MFSD12: variants seen among roughly 807,000 people sequenced by gnomAD.
MFSD12 encodes major facilitator superfamily domain containing 12, also known as major facilitator superfamily domain-containing protein 12.
A neutral mutation model predicts 51.2 loss-of-function variants in MFSD12; 67 were observed. The observed-to-expected ratio is 1.31, with a 90% confidence interval of 1.08 to 1.60. The LOEUF is 1.60. Among genes scored for constraint, MFSD12 ranks in the 40% most tolerant of loss-of-function variants. The pLI is 0.00. For synonymous variants in MFSD12, 441 were observed against 316.7 expected (o/e 1.39, Z -4.17); for missense variants, 921 against 673.0 (o/e 1.37, Z -4.08).
Position 3,547,822 on chromosome 19 carries a change from C to A in MFSD12, c.837+26G>T, listed in dbSNP as rs2145196490. On this transcript the variant is annotated intron_variant, in intron 4 of 9. Transcript: ENST00000355415. ...CTGTGGGTGGGAGAGAAGGCCCACG[C>A]CAGCCCCACCGTCCCCAGCACGCAC... 2.7e-6 allele frequency: 4 copies of A among 1,469,384 alleles called. No individual in the cohort carries two copies. The South Asian group carries it at 5.7e-5, about 21-fold the overall frequency. The allele number at this position is 1,469,384 out of a possible 1,614,324, so 91.0% of individuals were successfully genotyped here. A position where few individuals can be genotyped will look rare whatever the true frequency, so the allele number is the denominator to read the frequency against.
At chr19:3,543,120 G>A, downstream of MFSD12, 6 of 1,518,342 alleles carry the variant, frequency 4.0e-6, no homozygotes, top group Non-Finnish European at 5.3e-6. Context: ...GCGAGGGAGG[G>A]AGACCCCACG....
At chr19:3,550,852 C>CA (rs1568260405) in intron 2 of MFSD12, 132 bp downstream of exon 2, 2 of 761,068 alleles carry the variant, frequency 2.6e-6, no homozygotes, top group East Asian at 5.4e-5. Context: ...GACCCCCTTT[C>CA]AAAAAAATAA....
At chr19:3,553,350 T>A (rs2031569832) in intron 1 of MFSD12, among the ~76,000 whole-genome samples, 1 of 151,690 alleles carries the variant, frequency 6.6e-6, no homozygotes. Flanking sequence ...GATCATGTAA[T>A]CAATCCCAGC....
chr19:3,544,896 C>T lies in MFSD12; in HGVS notation c.1333G>A (p.Ala445Thr), dbSNP rs764558251. The T allele has an allele frequency of 5.0e-6, 8 of 1,611,842 alleles. No homozygotes were observed. The highest frequency in any genetic ancestry group is 1.7e-5 in the Admixed American group (1 of 59,912). ...ACGCCGCCCGTCACAGCCACCATCG[C>T]CCAGTGGTAAAAGCTCACGCAGGCC... Reference protein sequence around the residue: ...CRACVSFYHWAMVAVTGGVGV... With the variant: ...CRACVSFYHWTMVAVTGGVGV... The change falls in exon 9 of 10, where the codon GCG (alanine) becomes ACG (threonine). Residue 445 changes from alanine to threonine, a missense_variant. Ala to Thr is a moderately conservative substitution (Grantham distance 58). Transcript: ENST00000355415.
downstream of MFSD12, chr19:3,543,803 C>A: frequency 6.7e-7 from 1 of 1,503,562 alleles, no homozygotes; most frequent in Non-Finnish European, 8.9e-7. Context: ...GGTGGGGGCA[C>A]ATGGTGACCC....
intron 3 of MFSD12, 39 bp downstream of exon 3, chr19:3,548,084 C>T (rs948660088): frequency 1.2e-6 from 2 of 1,602,484 alleles, no homozygotes; most frequent in Middle Eastern, 1.7e-4. Flanking sequence ...CCGCCCCTGG[C>T]TCGAGGACTT....
At chr19:3,538,632 T>C in exon 5 of MFSD12, 1 of 336,514 alleles carries the variant, frequency 3.0e-6, no homozygotes. Flanking sequence ...TCCTTGTGGC[T>C]GAGTCTCGTT....
rs765235919 is a variant in MFSD12, at chr19:3,547,563, C to CA, written c.838-17dup. 1 of 1,599,728 alleles carries CA rather than the reference C, an allele frequency of 6.3e-7. No homozygotes were observed. The highest frequency in any genetic ancestry group is 8.5e-7 in the Non-Finnish European group (1 of 1,172,780). On this transcript the variant is annotated splice_polypyrimidine_tract_variant and intron_variant, in intron 4 of 9. Transcript: ENST00000355415. ...GTATGCCCACCTGTGGGCAGACCGACAGAGGGACTGGCAGGGGTCAGGAGG... is the reference window on the plus strand; with the variant it reads ...GTATGCCCACCTGTGGGCAGACCGACAAGAGGGACTGGCAGGGGTCAGGAGG...
rs1416748980 is a variant in MFSD12 at position 3,550,908 on chromosome 19, C to G, written c.509+76G>C. 3 of 1,271,014 alleles carry G rather than the reference C, an allele frequency of 2.4e-6. No individual in the cohort carries two copies. The Admixed American group carries it at 6.1e-5, about 26-fold the overall frequency. 78.7% of individuals were successfully genotyped at this position (1,271,014 alleles called of 1,614,324 possible). ...TCGAGCTGCCGAGTCTGTGGCCGCT[C>G]ATTATGCAGTGCCACTGACTGATAC... On this transcript the variant is annotated intron_variant, in intron 2 of 9. Transcript: ENST00000355415.
chr19:3,549,011 G>C (rs941164356), intron 2 of MFSD12, among the ~76,000 whole-genome samples: 3 of 152,192 alleles, frequency 2.0e-5, no homozygotes, highest in South Asian at 2.1e-4. Flanking sequence ...CCCTGGCTTT[G>C]GGCACCAGCT....
intron 1 of MFSD12, among the ~76,000 whole-genome samples, chr19:3,556,473 G>A (rs901688077): frequency 3.3e-5 from 5 of 152,116 alleles, no homozygotes; most frequent in African/African-American, 1.2e-4. Context: ...ATACGGGGCA[G>A]TTAAACAGAC....
At chr19:3,543,921 A>C, downstream of MFSD12, 1 of 1,551,004 alleles carries the variant, frequency 6.4e-7, no homozygotes. Flanking sequence ...GCCCGGCACC[A>C]CCCAGAACTA....
At chr19:3,543,529 GAC>G, downstream of MFSD12, 1 of 1,449,814 alleles carries the variant, frequency 6.9e-7, no homozygotes, top group Non-Finnish European at 9.1e-7. Flanking sequence ...GGACAGGAAT[GAC>G]CGCCAGCCCC....
Position 3,557,089 on chromosome 19 carries a change from G to A in MFSD12, c.298+17C>T. On this transcript the variant is annotated intron_variant, in intron 1 of 9. Transcript: ENST00000355415. ...TCGGAGGGGCTGCCCGACAGGTGGC[G>A]GGGCCGGGACGCTTACCGACCAGGT... 1 of 1,441,242 alleles carries A rather than the reference G, an allele frequency of 6.9e-7. No individual in the cohort carries two copies. Among genetic ancestry groups the A allele is most frequent in the South Asian group, 1.4e-5 (1 of 69,144 alleles). The allele number at this position is 1,441,242 out of a possible 1,614,324, so 89.3% of individuals were successfully genotyped here.
chr19:3,549,477 A>C (rs957359166), intron 2 of MFSD12, among the ~76,000 whole-genome samples: 1 of 152,194 alleles, frequency 6.6e-6, no homozygotes, highest in Non-Finnish European at 1.5e-5. Flanking sequence ...TAATCTCAGC[A>C]CTTTGGGAGG....
intron 5 of MFSD12, 23 bp from the exon 6 acceptor site, chr19:3,547,387 G>A (rs2031156081): frequency 1.2e-6 from 2 of 1,612,828 alleles, no homozygotes; most frequent in African/African-American, 1.3e-5. Flanking sequence ...AGCCAGGCAT[G>A]CCGTGTCAGT....
In MFSD12 at chr19:3,557,267, T is replaced by C. The variant is rs753132612; in HGVS notation, c.137A>G (p.Tyr46Cys). Reference sequence around the variant, plus strand: ...GCTGTAGGCGCGCACCGAGTGCAGGTAGAGCAGCAGGTAGGTGAACCACAT... The same window carrying C: ...GCTGTAGGCGCGCACCGAGTGCAGGCAGAGCAGCAGGTAGGTGAACCACAT... Reference protein sequence around the residue: ...ASMWFTYLLLYLHSVRAYSSR... With the variant: ...ASMWFTYLLLCLHSVRAYSSR... The change falls in exon 1 of 10, where the codon TAC (tyrosine) becomes TGC (cysteine). Residue 46 changes from tyrosine to cysteine, a missense_variant. By Grantham distance (194) the Tyr-to-Cys change is radical (BLOSUM62 -2). Coordinates refer to ENST00000355415, the MANE Select transcript of MFSD12 (RefSeq NM_174983.5). 2.3e-5 allele frequency: 36 copies of C among 1,597,366 alleles called. No homozygotes were observed. The highest frequency in any genetic ancestry group is 4.5e-5 in the South Asian group (4 of 88,422).
rs749365014 is a variant in MFSD12 at position 3,546,124 on chromosome 19, C to T, written c.1239G>A (p.Lys413=). 5.0e-6 allele frequency: 8 copies of T among 1,613,380 alleles called. No homozygotes were observed. The highest frequency in any genetic ancestry group is 1.6e-4 in the Middle Eastern group (1 of 6,062). ...FVYGSMSFLD[K]VANGLAVMAI... ...CCATGACTGCCAGCCCATTGGCCAC[C>T]TTATCCAAGAAGCTCATGGAGCCGT... is the stretch of plus-strand genomic sequence containing the variant. Residue 413 remains lysine (K), a synonymous_variant, in exon 8 of 10, where the codon AAG becomes AAA. Coordinates refer to ENST00000355415, the MANE Select transcript of MFSD12 (RefSeq NM_174983.5).
chr19:3,546,935 G>A (rs912704540), intron 6 of MFSD12, among the ~76,000 whole-genome samples: 8 of 152,088 alleles, frequency 5.3e-5, no homozygotes, highest in African/African-American at 1.4e-4. Context: ...CCGGGTTCAC[G>A]CCATTCTCCT....
Sources: gnomAD v4.1 joint callset for allele counts (sites outside exome capture counted in the v4.1 genomes callset) on GRCh38, gnomAD v4.1.1 for gene constraint, MANE v1.5 for transcripts, NCBI Gene and HGNC (gene_info 2026-07-23, HGNC 2026-07-21) for gene names.